Variants in AMPH observed in about 807,000 individuals in gnomAD.
AMPH encodes amphiphysin, also known as amphiphysin (Stiff-Mann syndrome with breast cancer 128kD autoantigen).
In AMPH, 49 loss-of-function variants were observed where a neutral mutation model predicts 99.1. The ratio of observed to expected loss-of-function variants is 0.49; its 90% CI spans 0.39 to 0.63. The LOEUF (loss-of-function observed/expected upper bound fraction) is 0.63. AMPH is among the 20% of genes least tolerant of loss of function. AMPH has a pLI of 0.00. For synonymous variants in AMPH, 314 were observed against 317.3 expected, an observed-to-expected ratio of 0.99 and a Z score of 0.11; for missense variants, 759 against 863.4, an observed-to-expected ratio of 0.88 and a Z score of 1.52.
intron 1 of AMPH, among the ~76,000 whole-genome samples, chr7:38,536,838 C>T (rs1790624200): frequency 6.6e-6 from 1 of 151,930 alleles, no homozygotes; most frequent in Non-Finnish European, 1.5e-5. Context: ...GAATACACTG[C>T]ATTTTTGGAA....
chr7:38,592,609 T>C (rs1489648124), intron 1 of AMPH, among the ~76,000 whole-genome samples: 3 of 151,916 alleles, frequency 2.0e-5, no homozygotes, highest in African/African-American at 7.3e-5. Flanking sequence ...TGGGCACCTG[T>C]AGTCCCAGCT....
chr7:38,543,370 G>T (rs545910037), intron 1 of AMPH, among the ~76,000 whole-genome samples: 1 of 152,204 alleles, frequency 6.6e-6, no homozygotes, highest in Non-Finnish European at 1.5e-5. Context: ...AATGGGAGCT[G>T]TAAGTTCCCT....
At chr7:38,607,619 C>T (rs1469416597) in intron 1 of AMPH, among the ~76,000 whole-genome samples, 1 of 152,146 alleles carries the variant, frequency 6.6e-6, no homozygotes, top group Admixed American at 6.5e-5. Context: ...AACCAAGAGG[C>T]TCTGTTTCTA....
chr7:38,410,348 G>A (rs1337807471), intron 17 of AMPH, among the ~76,000 whole-genome samples: 4 of 152,160 alleles, frequency 2.6e-5, no homozygotes, highest in East Asian at 1.9e-4. Flanking sequence ...ATATCTCACC[G>A]TGCAACCTGG....
rs764338468 is a variant in AMPH at position 38,465,492 on chromosome 7, C to T, written c.724G>A (p.Ala242Thr). ...CTGGGCGCTCCTTGGATGGTGAAGG[C>T]CTTGTCGGCGTGCTGGTCACCCAGT... ...TKLGDQHADKAFTIQGAPSDS... is the reference protein window; with the variant it reads ...TKLGDQHADKTFTIQGAPSDS... The change falls in exon 9 of 21, where the codon GCC becomes ACC. Residue 242 changes from alanine (A) to threonine (T), a missense_variant. This residue lies in a region of AMPH where 554 missense variants were observed against 575.6 expected (regional missense o/e 0.96). Coordinates refer to ENST00000356264, the MANE Select transcript of AMPH (RefSeq NM_001635.4). The T allele has an allele frequency of 3.2e-6, 5 of 1,583,082 alleles. No homozygotes were observed. The highest frequency in any genetic ancestry group is 4.3e-6 in the Non-Finnish European group (5 of 1,162,732).
At chr7:38,407,218 T>TATAG (rs1245301764) in intron 17 of AMPH, among the ~76,000 whole-genome samples, 1 of 148,444 alleles carries the variant, frequency 6.7e-6, no homozygotes, top group Non-Finnish European at 1.5e-5. Flanking sequence ...TATATCTATC[T>TATAG]ATAGATAGAT....
At chr7:38,403,488 G>A (rs1784899237) in intron 17 of AMPH, among the ~76,000 whole-genome samples, 1 of 152,120 alleles carries the variant, frequency 6.6e-6, no homozygotes, top group Admixed American at 6.5e-5. Flanking sequence ...GTGCCATACC[G>A]GCTGTGCACC....
At chr7:38,589,329 C>T (rs759258731) in intron 1 of AMPH, among the ~76,000 whole-genome samples, 3 of 152,200 alleles carry the variant, frequency 2.0e-5, no homozygotes, top group Non-Finnish European at 4.4e-5. Flanking sequence ...CACACCATCA[C>T]TTACCCATCT....
In AMPH at chr7:38,611,834, T is replaced by A. The variant is rs183730655; in HGVS notation, c.69+19449A>T. 3.3e-5 allele frequency among the ~76,000 whole-genome samples: 5 copies of A among 152,312 alleles called. No individual in the cohort carries two copies. The East Asian group carries it at 9.6e-4, about 29-fold the overall frequency. ...CATGGGACTCAGAAGGTTTCATTAA[T>A]TCCCTATACCATAAATGTTAGTAAT... On this transcript the variant is annotated intron_variant, in intron 1 of 20. Coordinates refer to ENST00000356264, the MANE Select transcript of AMPH (RefSeq NM_001635.4).
At chr7:38,596,653 T>C (rs911679169) in intron 1 of AMPH, among the ~76,000 whole-genome samples, 1 of 152,194 alleles carries the variant, frequency 6.6e-6, no homozygotes, top group East Asian at 1.9e-4. Flanking sequence ...AAGGGAAAGA[T>C]GAGAAAGGAT....
chr7:38,597,209 G>GT (rs1438916764), intron 1 of AMPH, among the ~76,000 whole-genome samples: 2 of 152,146 alleles, frequency 1.3e-5, no homozygotes, highest in African/African-American at 4.8e-5. Context: ...CAGATTCATA[G>GT]TCATCCATTT....
At chr7:38,407,278 G>C in intron 17 of AMPH, among the ~76,000 whole-genome samples, 1 of 137,462 alleles carries the variant, frequency 7.3e-6, no homozygotes, top group East Asian at 2.5e-4. Context: ...TAGCTAGCTA[G>C]CTTTCTATCT....
At chr7:38,521,903 G>A (rs1789978703) in intron 2 of AMPH, among the ~76,000 whole-genome samples, 1 of 152,158 alleles carries the variant, frequency 6.6e-6, no homozygotes, top group South Asian at 2.1e-4. Context: ...TTGCTGAAAT[G>A]TCACCAGACA....
At chr7:38,392,426 G>A (rs1219645678) in intron 18 of AMPH, among the ~76,000 whole-genome samples, 4 of 115,910 alleles carry the variant, frequency 3.5e-5, no homozygotes, top group Admixed American at 1.2e-4. Context: ...TTGCTCTGTC[G>A]CCCAGGCTGG....
intron 17 of AMPH, among the ~76,000 whole-genome samples, chr7:38,417,466 CAAAGTTATTATTCT>C (rs1285471466): frequency 6.6e-6 from 1 of 152,106 alleles, no homozygotes; most frequent in African/African-American, 2.4e-5. Flanking sequence ...ACACAATGAA[CAAAGTTATTATTCT>C]GTTTATCACA....
intron 11 of AMPH, among the ~76,000 whole-genome samples, chr7:38,445,781 T>C (rs2129000842): frequency 6.6e-6 from 1 of 152,316 alleles, no homozygotes; most frequent in African/African-American, 2.4e-5. Flanking sequence ...TCAAATCTCA[T>C]GTCAACTTGT....
chr7:38,575,269 A>C (rs1202214395), intron 1 of AMPH, among the ~76,000 whole-genome samples: 3 of 152,174 alleles, frequency 2.0e-5, no homozygotes, highest in Non-Finnish European at 2.9e-5. Context: ...TTTAACCTAG[A>C]TAATACAGTC....
Position 38,463,097 on chromosome 7 carries a change from G to T in AMPH, c.766C>A (p.Arg256Ser). 1 of 1,613,470 alleles carries T rather than the reference G, an allele frequency of 6.2e-7. No homozygotes were observed. Among genetic ancestry groups the T allele is most frequent in the Middle Eastern group, 1.7e-4 (1 of 5,990 alleles). Residue 256 changes from arginine to serine, a missense_variant, in exon 10 of 21, where the codon CGC becomes AGC. This residue lies in a region of AMPH where 554 missense variants were observed against 575.6 expected (regional missense o/e 0.96). Coordinates refer to ENST00000356264, the MANE Select transcript of AMPH (RefSeq NM_001635.4). ...QGAPSDSGPL[R>S]IAKTPSPPEE... ...GGCGGTGATGGTGTCTTTGCAATGC[G>T]GAGAGGACCCGAATCACTAGAGGAA... is the stretch of plus-strand genomic sequence containing the variant.
chr7:38,447,027 TTGTTTG>T (rs201294100), intron 11 of AMPH, among the ~76,000 whole-genome samples: 8,378 of 151,834 alleles, frequency 0.055, 577 homozygotes, highest in East Asian at 0.34. Flanking sequence ...TTTTTTTTTT[TTGTTTG>T]TTTGAGACGG....
Sources: allele counts gnomAD v4.1 joint callset (sites outside exome capture counted in the v4.1 genomes callset), GRCh38; gene constraint gnomAD v4.1.1; regional missense constraint gnomAD v4.1.1; transcripts MANE v1.5; gene names NCBI Gene and HGNC (gene_info 2026-07-23, HGNC 2026-07-21).